Variants in ITGAL observed in about 807,000 individuals in gnomAD.
The protein encoded by ITGAL is integrin alpha-L.
In ITGAL, 68 loss-of-function variants were observed where a neutral mutation model predicts 138.4. The ratio of observed to expected loss-of-function variants is 0.49; its 90% CI spans 0.40 to 0.60. The LOEUF (loss-of-function observed/expected upper bound fraction) is 0.60, where lower values mean the gene tolerates loss of function less well. Ranked by LOEUF, ITGAL falls within the 20% of genes least tolerant of loss-of-function variation. The pLI, the probability that ITGAL is intolerant of heterozygous loss-of-function variation, is 0.00. For missense variants in ITGAL, 1,256 were observed against 1,478.6 expected, an observed-to-expected ratio of 0.85 and a Z score of 2.47; for synonymous variants, 561 against 584.3, an observed-to-expected ratio of 0.96 and a Z score of 0.57.
intron 24 of ITGAL, among the ~76,000 whole-genome samples, chr16:30,511,423 G>A (rs1299464392): frequency 6.6e-6 from 1 of 152,202 alleles, no homozygotes; most frequent in African/African-American, 2.4e-5. Flanking sequence ...CGCAGTTGCT[G>A]ACATTGCCTG....
Position 30,521,714 on chromosome 16 carries a change from C to A in ITGAL, c.*49C>A. 1 of 1,566,506 alleles carries A rather than the reference C, an allele frequency of 6.4e-7. No homozygotes were observed. The highest frequency in any genetic ancestry group is 2.3e-5 in the East Asian group (1 of 44,104). On this transcript the variant is annotated 3_prime_UTR_variant, in exon 31 of 31. Coordinates refer to ENST00000356798, the MANE Select transcript of ITGAL (RefSeq NM_002209.3). ...TGCCCAGAACTGGACTCAGGATGCCCAGGGCCACTCTGCCTCTGCCTGCAT... is the reference window on the plus strand; with the variant it reads ...TGCCCAGAACTGGACTCAGGATGCCAAGGGCCACTCTGCCTCTGCCTGCAT...
intron 6 of ITGAL, among the ~76,000 whole-genome samples, 187 bp downstream of exon 6, chr16:30,479,648 C>CT (rs59770529): frequency 0.091 from 6,660 of 72,850 alleles, 1,010 homozygotes; most frequent in Non-Finnish European, 0.12. Flanking sequence ...TTCTCATTTC[C>CT]TTTTTTTTTT....
chr16:30,481,202 C>T lies in ITGAL; in HGVS notation c.577-237C>T, dbSNP rs144116022. ...CACACACCACACACACACAAATATT[C>T]GGGTGTGGTGGCACGTGCCTGTAAT... is the stretch of plus-strand genomic sequence containing the variant. On this transcript the variant is annotated intron_variant, in intron 6 of 30. Transcript: ENST00000356798. 1.7e-3 allele frequency: 747 copies of T among 448,484 alleles called. 5 individuals are homozygous for T. The highest frequency in any genetic ancestry group is 0.014 in the African/African-American group (692 of 48,630). 27.8% of individuals were successfully genotyped at this position (448,484 alleles called of 1,614,324 possible).
chr16:30,509,222 C>G (rs1159418717), intron 21 of ITGAL: 1 of 152,012 alleles, frequency 6.6e-6, no homozygotes, highest in Non-Finnish European at 1.5e-5. Context: ...TAACTGGAGT[C>G]AAACAGTTCT....
chr16:30,493,137 C>T (rs767773025), intron 11 of ITGAL, among the ~76,000 whole-genome samples: 13 of 152,038 alleles, frequency 8.6e-5, no homozygotes, highest in Non-Finnish European at 1.8e-4. Flanking sequence ...CCTCCTACCT[C>T]GGCTTCCCAA....
chr16:30,474,291 G>T lies in ITGAL; in HGVS notation c.157G>T (p.Gly53Ter). Residue 53 changes from glycine (G) to a stop codon, truncating the protein, a stop_gained, in exon 2 of 31, where the codon GGA becomes TGA. Transcript: ENST00000356798. LOFTEE classifies it high-confidence loss of function. ...RHFGYRVLQV[G>*]NGVIVGAPGE... ...CTTTGGATACCGCGTCCTGCAGGTCGGAAACGGGTGAGCTGTGCCCCACAA... is the reference window on the plus strand; with the variant it reads ...CTTTGGATACCGCGTCCTGCAGGTCTGAAACGGGTGAGCTGTGCCCCACAA... The T allele has an allele frequency of 6.2e-7, 1 of 1,602,280 alleles. No individual in the cohort carries two copies.
chr16:30,483,971 G>A lies in ITGAL; in HGVS notation c.855+12G>A. ...GCTACATCATCGGGGTAGGGCCCCT[G>A]CTGCTTCCTGCATCATATCTTCCCT... On this transcript the variant is annotated intron_variant, in intron 8 of 30. Transcript: ENST00000356798. 6.2e-7 allele frequency: 1 copy of A among 1,607,804 alleles called. No homozygotes were observed. The highest frequency in any genetic ancestry group is 2.2e-5 in the East Asian group (1 of 44,668).
intron 28 of ITGAL, 107 bp from the exon 29 acceptor site, chr16:30,518,517 C>T: frequency 1.4e-6 from 1 of 738,998 alleles, no homozygotes; most frequent in Non-Finnish European, 2.5e-6. Flanking sequence ...GGTGCACCCC[C>T]CTGGAACCCC....
chr16:30,486,612 G>C (rs2050650310), intron 9 of ITGAL, among the ~76,000 whole-genome samples: 1 of 152,130 alleles, frequency 6.6e-6, no homozygotes, highest in African/African-American at 2.4e-5. Flanking sequence ...GCAGAGAGAA[G>C]CACAGGTGCA....
At chr16:30,482,344 AG>A (rs1258483146) in intron 7 of ITGAL, among the ~76,000 whole-genome samples, 2 of 152,078 alleles carry the variant, frequency 1.3e-5, no homozygotes, top group East Asian at 1.9e-4. Flanking sequence ...GAAATAAGTG[AG>A]GGGGGAAAAT....
Position 30,510,933 on chromosome 16 carries a change from C to T in ITGAL, c.2672C>T (p.Ser891Leu), listed in dbSNP as rs376221007. 14 of 1,613,900 alleles carry T rather than the reference C, an allele frequency of 8.7e-6. No homozygotes were observed. Among genetic ancestry groups the T allele is most frequent in the South Asian group, 2.2e-5 (2 of 91,082 alleles). ...CTGGTAAACAGCTCCTGGGGGGACTCGGTTGAATTGCACGCCAATGTGACC... is the reference window on the plus strand; with the variant it reads ...CTGGTAAACAGCTCCTGGGGGGACTTGGTTGAATTGCACGCCAATGTGACC... ...NTLVNSSWGD[S>L]VELHANVTCN... is the part of the protein sequence containing the mutation. Residue 891 changes from serine to leucine, a missense_variant, in exon 23 of 31, where the codon TCG (serine) becomes TTG (leucine). Physicochemically the swap from Ser to Leu is moderately radical, Grantham distance 145. This residue lies in a region of ITGAL where 867 missense variants were observed against 972.5 expected (regional missense o/e 0.89). Coordinates refer to ENST00000356798, the MANE Select transcript of ITGAL (RefSeq NM_002209.3).
At chr16:30,495,106 C>T (rs1029676161) in intron 13 of ITGAL, among the ~76,000 whole-genome samples, 2 of 152,186 alleles carry the variant, frequency 1.3e-5, no homozygotes, top group African/African-American at 2.4e-5. Context: ...CTCACTGCAA[C>T]CTCCACCTCC....
At chr16:30,499,542 C>T in intron 17 of ITGAL, 53 bp downstream of exon 17, 1 of 1,577,724 alleles carries the variant, frequency 6.3e-7, no homozygotes, top group Non-Finnish European at 8.7e-7. Context: ...GGGGCAGGCT[C>T]AGCTCCGTCA....
rs147934257 is a variant in ITGAL, at chr16:30,519,360, G to A, written c.3229-497G>A. On this transcript the variant is annotated intron_variant, in intron 29 of 30. Transcript: ENST00000356798. ...ATTATGCCACTACACTCCAGCCTGG[G>A]CAACACAGTGAGACCTTATCTCAAA... 9.9e-5 allele frequency among the ~76,000 whole-genome samples: 15 copies of A among 151,982 alleles called. No individual in the cohort carries two copies. In the East Asian group the frequency reaches 2.7e-3, roughly 27 times the overall value.
intron 21 of ITGAL, among the ~76,000 whole-genome samples, 194 bp downstream of exon 21, chr16:30,507,050 C>T (rs1273520310): frequency 6.6e-6 from 1 of 152,170 alleles, no homozygotes; most frequent in Non-Finnish European, 1.5e-5. Flanking sequence ...AGGCTGGGTG[C>T]GGTGGCTCAC....
intron 21 of ITGAL, among the ~76,000 whole-genome samples, chr16:30,507,933 G>A (rs2051028249): frequency 6.6e-6 from 1 of 151,226 alleles, no homozygotes; most frequent in Non-Finnish European, 1.5e-5. Context: ...TTCTGAGACG[G>A]GGTCTCGCTC....
chr16:30,499,733 A>ATGTATATATATATATATATATTT, intron 17 of ITGAL, among the ~76,000 whole-genome samples: 1 of 88,368 alleles, frequency 1.1e-5, no homozygotes, highest in African/African-American at 6.0e-5. Flanking sequence ...ATATATATAT[A>ATGTATATATATATATATATATTT]TTTTTTTTTT....
chr16:30,504,847 C>T (rs1435935232), intron 18 of ITGAL: 1 of 156,214 alleles, frequency 6.4e-6, no homozygotes, highest in East Asian at 1.9e-4. Context: ...GAAAACCCAT[C>T]TCTACTAAAA....
rs551808584 is a variant in ITGAL, at chr16:30,496,437, G to T, written c.1703G>T (p.Arg568Leu). 6.2e-7 allele frequency: 1 copy of T among 1,613,804 alleles called. No individual in the cohort carries two copies. The highest frequency in any genetic ancestry group is 8.5e-7 in the Non-Finnish European group (1 of 1,179,956). ...TGGCAATTTCTTTCTTGCTCTCAGC[G>T]GATAGAAGGGACCCAAGTGCTCTCA... ...HGGLSPQPSQ[R>L]IEGTQVLSGI... The change falls in exon 15 of 31, where the codon CGG (arginine) becomes CTG (leucine). Residue 568 changes from arginine to leucine, a missense_variant and splice_region_variant. This residue lies in a region of ITGAL where 867 missense variants were observed against 972.5 expected (regional missense o/e 0.89). Transcript: ENST00000356798.
Sources: allele counts gnomAD v4.1 joint callset (sites outside exome capture counted in the v4.1 genomes callset), GRCh38; gene constraint gnomAD v4.1.1; regional missense constraint gnomAD v4.1.1; transcripts MANE v1.5; gene names NCBI Gene and HGNC (gene_info 2026-07-23, HGNC 2026-07-21).